ANKRD36C: variants seen among roughly 807,000 people sequenced by gnomAD.
ANKRD36C encodes ankyrin repeat domain-containing protein 36C.
In ANKRD36C, 61 loss-of-function variants were observed where a neutral mutation model predicts 276.4. The observed-to-expected ratio is 0.22, with a 90% CI of 0.18 to 0.27. ANKRD36C has a LOEUF of 0.27. Among genes scored for constraint, ANKRD36C ranks in the 10% least tolerant of loss-of-function variants. The pLI is 1.00. For missense variants in ANKRD36C, 1,447 were observed against 2,032.3 expected, an observed-to-expected ratio of 0.71 and a Z score of 5.54; for synonymous variants, 483 against 680.1, an observed-to-expected ratio of 0.71 and a Z score of 4.51.
chr2:95,963,936 C>CATATATAAATATAT (rs1165340992), intron 6 of ANKRD36C, among the ~76,000 whole-genome samples: 6 of 105,334 alleles, frequency 5.7e-5, no homozygotes, highest in African/African-American at 2.3e-4. Flanking sequence ...CAAATATATA[C>CATATATAAATATAT]ATATATAAAT....
intron 1 of ANKRD36C, among the ~76,000 whole-genome samples, chr2:95,987,778 C>T (rs1227556026): frequency 6.6e-6 from 1 of 151,938 alleles, no homozygotes. Flanking sequence ...CCCGCTACCG[C>T]GCCCGGCTAA....
At chr2:95,917,309 T>A (rs189718865) in intron 36 of ANKRD36C, among the ~76,000 whole-genome samples, 41 of 151,616 alleles carry the variant, frequency 2.7e-4, no homozygotes, top group Admixed American at 1.1e-3. Context: ...GTGAAGTGAG[T>A]CCACTCAGAT....
intron 6 of ANKRD36C, among the ~76,000 whole-genome samples, chr2:95,975,345 G>A (rs1401996880): frequency 6.6e-6 from 1 of 152,140 alleles, no homozygotes; most frequent in Non-Finnish European, 1.5e-5. Context: ...AAAGAATAAA[G>A]CTGGAGGCAT....
At chr2:95,849,452 C>T (rs1196784977), downstream of ANKRD36C, among the ~76,000 whole-genome samples, 5 of 152,082 alleles carry the variant, frequency 3.3e-5, no homozygotes, top group African/African-American at 1.2e-4. Flanking sequence ...AGCAGCAGTC[C>T]CCAGCCTTTT....
chr2:95,886,427 G>T (rs1168495802), intron 50 of ANKRD36C, among the ~76,000 whole-genome samples, 183 bp from the exon 71 acceptor site: 1 of 151,148 alleles, frequency 6.6e-6, no homozygotes, highest in Non-Finnish European at 1.5e-5. Flanking sequence ...CAGGAATACA[G>T]GTTTCAAGAA....
chr2:95,946,636 T>C (rs1678058979), intron 17 of ANKRD36C, among the ~76,000 whole-genome samples: 1 of 148,892 alleles, frequency 6.7e-6, no homozygotes, highest in Non-Finnish European at 1.5e-5. Context: ...TTATTCACAA[T>C]AGCAAAGACT....
intron 58 of ANKRD36C, among the ~76,000 whole-genome samples, chr2:95,878,087 G>A (rs1295331115): frequency 6.7e-6 from 1 of 149,014 alleles, no homozygotes; most frequent in Non-Finnish European, 1.5e-5. Flanking sequence ...AGGGGGCTGA[G>A]GCAGGAGAAT....
rs148809852 is a variant in ANKRD36C at position 95,915,907 on chromosome 2, C to G, written c.2449+73G>C. On this transcript the variant is annotated intron_variant, in intron 38 of 66. Coordinates refer to ENST00000456556, the Ensembl canonical transcript of ANKRD36C. ...AGAATGTGCAGCTTCGACCAGCCCCCCACTGATTTATTCGGGGAAGAGAAC... is the reference window on the plus strand; with the variant it reads ...AGAATGTGCAGCTTCGACCAGCCCCGCACTGATTTATTCGGGGAAGAGAAC... 7,674 of 1,503,204 alleles carry G rather than the reference C, an allele frequency of 5.1e-3. 357 individuals carry two copies. The African/African-American group carries it at 0.096, about 19-fold the overall frequency. 93.1% of individuals were successfully genotyped at this position (1,503,204 alleles called of 1,614,324 possible).
chr2:95,867,661 C>G (rs1287990439), intron 59 of ANKRD36C, 80 bp from the exon 80 acceptor site: 16 of 1,537,342 alleles, frequency 1.0e-5, no homozygotes, highest in Non-Finnish European at 1.4e-5. Context: ...TGGGAATTGC[C>G]CATCTGTTTA....
chr2:95,991,738 C>T (rs1328721060), exon 1 of ANKRD36C: 4 of 1,607,320 alleles, frequency 2.5e-6, no homozygotes, highest in East Asian at 2.2e-5. Flanking sequence ...TAGCCTGCAG[C>T]CGTATTTCAG....
intron 52 of ANKRD36C, 77 bp downstream of exon 72, chr2:95,885,971 C>A: frequency 6.4e-7 from 1 of 1,560,180 alleles, no homozygotes; most frequent in Non-Finnish European, 8.7e-7. Context: ...TCAATGAACC[C>A]CCCGCTGATT....
At position 95,987,095 on chromosome 2, in the gene ANKRD36C, G is replaced by C. The variant is rs1405180047; in HGVS notation, c.309C>G (p.Ile103Met). ...AAAAGAGTCAGCTACTATGTACCTT[G>C]ATCAGAGGTGTCCTGTCTTCACGGT... Residue 103 changes from isoleucine to methionine, a missense_variant, in exon 2 of 67, where the codon ATC (isoleucine) becomes ATG (methionine). Around this residue, in one of 13 missense-constraint regions of ANKRD36C, gnomAD observed 21 missense variants for 76.5 expected, o/e 0.27. Transcript: ENST00000456556. 8.5e-6 allele frequency: 13 copies of C among 1,536,462 alleles called. No homozygotes were observed. The East Asian group carries it at 2.6e-4, about 31-fold the overall frequency.
chr2:95,925,937 G>A (rs182043054), intron 28 of ANKRD36C, among the ~76,000 whole-genome samples: 148 of 151,688 alleles, frequency 9.8e-4, no homozygotes, highest in Non-Finnish European at 1.8e-3. Context: ...CAAGACATCA[G>A]AGGGATTTAT....
intron 42 of ANKRD36C, among the ~76,000 whole-genome samples, chr2:95,911,924 A>T (rs1009258324): frequency 6.6e-6 from 1 of 151,384 alleles, no homozygotes; most frequent in Non-Finnish European, 1.5e-5. Flanking sequence ...TGTACTTCCT[A>T]TCTTTCTCCT....
intron 36 of ANKRD36C, among the ~76,000 whole-genome samples, chr2:95,916,527 C>T (rs1430319433): frequency 6.6e-6 from 1 of 151,676 alleles, no homozygotes. Context: ...ACAGGTGCTA[C>T]GTGATCCCAC....
intron 6 of ANKRD36C, among the ~76,000 whole-genome samples, chr2:95,977,850 C>A (rs1558662976): frequency 6.6e-6 from 1 of 151,988 alleles, no homozygotes; most frequent in Non-Finnish European, 1.5e-5. Context: ...AACATAATAA[C>A]TTAAAAATTT....
At chr2:95,944,763 T>C in intron 18 of ANKRD36C, 69 bp from the exon 19 acceptor site, 1 of 1,500,556 alleles carries the variant, frequency 6.7e-7, no homozygotes, top group South Asian at 1.2e-5. Context: ...AAGAACCGGG[T>C]GTGGGGGCTC....
chr2:95,896,964 CT>C (rs1444607681), intron 44 of ANKRD36C, among the ~76,000 whole-genome samples: 1 of 147,108 alleles, frequency 6.8e-6, no homozygotes, highest in East Asian at 2.0e-4. Context: ...TCCTTCCACC[CT>C]TACTGAAAAC....
chr2:95,886,180 G>C (rs1438578466), intron 51 of ANKRD36C, 36 bp downstream of exon 71: 1 of 1,516,346 alleles, frequency 6.6e-7, no homozygotes, highest in African/African-American at 1.4e-5. Flanking sequence ...AGACTATACA[G>C]TTAATAGTTC....
Sources: allele counts gnomAD v4.1 joint callset (sites outside exome capture counted in the v4.1 genomes callset), GRCh38; gene constraint gnomAD v4.1.1; regional missense constraint gnomAD v4.1.1; transcripts MANE v1.5; gene names NCBI Gene and HGNC (gene_info 2026-07-23, HGNC 2026-07-21).